CDK19: variants seen among roughly 807,000 people sequenced by gnomAD.
The protein encoded by CDK19 is cyclin-dependent kinase 19.
Under a neutral mutation model 68.3 loss-of-function variants are expected in CDK19, and 20 were observed. That is an observed-to-expected ratio of 0.29 (90% CI 0.21 to 0.43). CDK19 has a LOEUF of 0.43. Ranked by LOEUF, CDK19 falls within the 20% of genes least tolerant of loss-of-function variation. CDK19 has a pLI of 1.00. For synonymous variants in CDK19, 221 were observed against 222.8 expected, an observed-to-expected ratio of 0.99 and a Z score of 0.07; for missense variants, 339 against 623.5, an observed-to-expected ratio of 0.54 and a Z score of 4.86.
rs903186299 is a variant in CDK19, at chr6:110,645,824, G to A, written c.457-7118C>T. Reference sequence around the variant, plus strand: ...TATCTAGAGACGGAGGGATGGCCGCGCACGACGCGCCGCGCTTCCTCCTGA... The same window carrying A: ...TATCTAGAGACGGAGGGATGGCCGCACACGACGCGCCGCGCTTCCTCCTGA... On this transcript the variant is annotated intron_variant, in intron 4 of 12. Coordinates refer to ENST00000368911, the MANE Select transcript of CDK19 (RefSeq NM_015076.5). 15 of 603,878 alleles carry A rather than the reference G, an allele frequency of 2.5e-5. 1 individual carries two copies. The Admixed American group carries it at 3.4e-4, about 14-fold the overall frequency. The allele number at this position is 603,878 out of a possible 1,614,324, so 37.4% of individuals were successfully genotyped here. A position where few individuals can be genotyped will look rare whatever the true frequency, so the allele number is the denominator to read the frequency against.
At chr6:110,796,844 C>T (rs113903171) in intron 1 of CDK19, among the ~76,000 whole-genome samples, 2,930 of 150,042 alleles carry the variant, frequency 0.02, 100 homozygotes, top group African/African-American at 0.069. Context: ...CCCGTCTCTA[C>T]GAAAAATACA....
At chr6:110,723,844 C>T (rs1053481880) in intron 2 of CDK19, among the ~76,000 whole-genome samples, 6 of 152,110 alleles carry the variant, frequency 3.9e-5, no homozygotes, top group Non-Finnish European at 5.9e-5. Flanking sequence ...ATATTCTCAT[C>T]GCTTCTCGGC....
At chr6:110,668,497 T>C (rs192524831) in intron 3 of CDK19, among the ~76,000 whole-genome samples, 14 of 152,260 alleles carry the variant, frequency 9.2e-5, no homozygotes, top group Non-Finnish European at 2.1e-4. Flanking sequence ...AGTAGAAATA[T>C]ACTGGGAGCC....
chr6:110,677,334 C>CGGGTG (rs199991800), intron 2 of CDK19, among the ~76,000 whole-genome samples: 4,956 of 151,984 alleles, frequency 0.033, 286 homozygotes, highest in African/African-American at 0.11. Flanking sequence ...GAGGCCAAGG[C>CGGGTG]GGGTGGATCA....
chr6:110,710,255 T>C (rs1562220658), intron 2 of CDK19, among the ~76,000 whole-genome samples: 1 of 152,332 alleles, frequency 6.6e-6, no homozygotes, highest in East Asian at 1.9e-4. Context: ...TGTCGAAGTG[T>C]CAAGACTCAT....
rs1780706680 is a variant in CDK19, at chr6:110,780,245, C to T, written c.129-34044G>A. ...AAAAAAAAAAAAATACAAAAATTAG[C>T]CGGGCGTGGTGGCATGCACCTGTAA... On this transcript the variant is annotated intron_variant, in intron 1 of 12. Transcript: ENST00000368911. Among the ~76,000 whole-genome samples the T allele has an allele frequency of 2.0e-5, 3 of 151,164 alleles. No homozygotes were observed. In the South Asian group the frequency reaches 6.3e-4, roughly 32 times the overall value.
chr6:110,761,741 C>T (rs190464780), intron 1 of CDK19, among the ~76,000 whole-genome samples: 1 of 152,200 alleles, frequency 6.6e-6, no homozygotes, highest in African/African-American at 2.4e-5. Context: ...CTTAAGGATG[C>T]TCAGTGGTTT....
intron 2 of CDK19, among the ~76,000 whole-genome samples, chr6:110,739,712 C>T (rs1777510165): frequency 6.6e-6 from 1 of 151,364 alleles, no homozygotes; most frequent in South Asian, 2.1e-4. Context: ...CTCACTGTAA[C>T]CTCTAACTCC....
intron 2 of CDK19, among the ~76,000 whole-genome samples, chr6:110,727,791 A>G (rs1166741927): frequency 1.3e-5 from 2 of 151,510 alleles, no homozygotes; most frequent in Non-Finnish European, 2.9e-5. Flanking sequence ...TGGGCAACAT[A>G]CCGAGACCTC....
chr6:110,793,456 G>T (rs1013963216), intron 1 of CDK19, among the ~76,000 whole-genome samples: 1 of 152,118 alleles, frequency 6.6e-6, no homozygotes, highest in African/African-American at 2.4e-5. Flanking sequence ...ATACTTACAT[G>T]GACATGAAAG....
intron 1 of CDK19, among the ~76,000 whole-genome samples, chr6:110,775,769 G>A (rs950372499): frequency 2.0e-5 from 3 of 152,270 alleles, no homozygotes; most frequent in Admixed American, 6.5e-5. Flanking sequence ...TTATCTTCAT[G>A]GAATATTTAG....
At chr6:110,640,231 CAAAAAAAAAA>C (rs59703376) in intron 4 of CDK19, among the ~76,000 whole-genome samples, 6 of 80,714 alleles carry the variant, frequency 7.4e-5, no homozygotes, top group African/African-American at 1.9e-4. Context: ...GACCCTGTCA[CAAAAAAAAAA>C]AAAAAAAAAA....
At chr6:110,636,741 T>C (rs1779801761) in intron 5 of CDK19, among the ~76,000 whole-genome samples, 1 of 152,034 alleles carries the variant, frequency 6.6e-6, no homozygotes, top group Admixed American at 6.6e-5. Context: ...GGGAAATGAA[T>C]AGAGCAAGTG....
At chr6:110,698,312 GA>G (rs956421717) in intron 2 of CDK19, among the ~76,000 whole-genome samples, 3 of 143,242 alleles carry the variant, frequency 2.1e-5, no homozygotes, top group Admixed American at 1.4e-4. Context: ...AAATCAGCAA[GA>G]AAAAAAAAAC....
chr6:110,728,680 C>G (rs1400851695), intron 2 of CDK19, among the ~76,000 whole-genome samples: 7 of 152,136 alleles, frequency 4.6e-5, no homozygotes, highest in African/African-American at 1.7e-4. Context: ...GGGTCTTCCC[C>G]TCTCAGGTCA....
At chr6:110,665,078 G>T (rs888213551) in intron 4 of CDK19, among the ~76,000 whole-genome samples, 6 of 152,198 alleles carry the variant, frequency 3.9e-5, no homozygotes, top group African/African-American at 9.7e-5. Flanking sequence ...AGCCAAATAA[G>T]GAAGTAGAGT....
Position 110,666,260 on chromosome 6 carries a change from C to CA in CDK19, c.456+1173dup, listed in dbSNP as rs777957434. Among the ~76,000 whole-genome samples, 743 of 98,862 alleles carry CA rather than the reference C, an allele frequency of 7.5e-3. 11 individuals carry two copies. Among genetic ancestry groups the CA allele is most frequent in the East Asian group, 0.074 (267 of 3,596 alleles). 64.9% of individuals were successfully genotyped at this position (98,862 alleles called of 152,430 possible). A position where few individuals can be genotyped will look rare whatever the true frequency, so the allele number is the denominator to read the frequency against. On this transcript the variant is annotated intron_variant, in intron 4 of 12. Transcript: ENST00000368911. Reference sequence around the variant, plus strand: ...GAAACCCTGTCTCTACTAAAAAATACAAAAAAAAAAAAAAAATTAGCCCAG... The same window carrying CA: ...GAAACCCTGTCTCTACTAAAAAATACAAAAAAAAAAAAAAAAATTAGCCCAG...
intron 1 of CDK19, among the ~76,000 whole-genome samples, chr6:110,774,776 C>G (rs767207682): frequency 6.6e-6 from 1 of 152,116 alleles, no homozygotes; most frequent in Admixed American, 6.6e-5. Context: ...AGGGCGAACC[C>G]CATCTCTACT....
At chr6:110,759,802 T>C (rs937032234) in intron 1 of CDK19, among the ~76,000 whole-genome samples, 1 of 152,104 alleles carries the variant, frequency 6.6e-6, no homozygotes, top group Non-Finnish European at 1.5e-5. Context: ...AAAGGTCAGG[T>C]TAACCTGACC....
Sources: gnomAD v4.1 joint callset for allele counts (sites outside exome capture counted in the v4.1 genomes callset) on GRCh38, gnomAD v4.1.1 for gene constraint, MANE v1.5 for transcripts, NCBI Gene and HGNC (gene_info 2026-07-23, HGNC 2026-07-21) for gene names.